The following EXOC4 variants were observed in gnomAD, a reference collection of about 807,000 sequenced individuals.
The protein encoded by EXOC4 is SEC8-like 1.
In EXOC4, 71 loss-of-function variants were observed where a neutral mutation model predicts 107.2. That is an observed-to-expected ratio of 0.66 (90% CI 0.55 to 0.81). The LOEUF is 0.81. Ranked by LOEUF, EXOC4 falls within the 30% of genes least tolerant of loss-of-function variation. EXOC4 has a pLI of 0.00. For missense variants in EXOC4, 1,108 were observed against 1,189.6 expected, an observed-to-expected ratio of 0.93 and a Z score of 1.01; for synonymous variants, 456 against 441.2, an observed-to-expected ratio of 1.03 and a Z score of -0.42.
intron 14 of EXOC4, among the ~76,000 whole-genome samples, chr7:133,986,216 T>C (rs1794110511): frequency 6.6e-6 from 1 of 152,216 alleles, no homozygotes; most frequent in Admixed American, 6.5e-5. Context: ...AAACCTAAAA[T>C]TTCTGGGATC....
At chr7:133,918,508 C>G (rs1484778366) in intron 13 of EXOC4, among the ~76,000 whole-genome samples, 1 of 152,180 alleles carries the variant, frequency 6.6e-6, no homozygotes, top group African/African-American at 2.4e-5. Context: ...GTTGGACTTT[C>G]TGGAAAATAC....
intron 14 of EXOC4, among the ~76,000 whole-genome samples, chr7:133,978,201 T>C (rs893390311): frequency 2.0e-5 from 3 of 151,944 alleles, no homozygotes; most frequent in Non-Finnish European, 4.4e-5. Context: ...GCTATAAATA[T>C]AATCTACACA....
chr7:133,594,388 G>C (rs1210228123), intron 9 of EXOC4, among the ~76,000 whole-genome samples: 2 of 151,984 alleles, frequency 1.3e-5, no homozygotes, highest in African/African-American at 2.4e-5. Flanking sequence ...ACAGTGCTTT[G>C]GGCAAGGGGT....
intron 17 of EXOC4, among the ~76,000 whole-genome samples, chr7:134,059,495 A>G (rs1317614610): frequency 6.6e-6 from 1 of 152,200 alleles, no homozygotes; most frequent in East Asian, 1.9e-4. Flanking sequence ...AAATTGTTCC[A>G]CCTCATGCAA....
chr7:133,738,493 C>T (rs1241476480), intron 10 of EXOC4, among the ~76,000 whole-genome samples: 1 of 152,078 alleles, frequency 6.6e-6, no homozygotes, highest in Non-Finnish European at 1.5e-5. Flanking sequence ...AATGGAATAA[C>T]AAAATGATAA....
intron 10 of EXOC4, among the ~76,000 whole-genome samples, chr7:133,728,531 C>T (rs931197618): frequency 2.0e-5 from 3 of 152,134 alleles, no homozygotes; most frequent in Non-Finnish European, 4.4e-5. Flanking sequence ...CTGTCCTTCC[C>T]TTGGAAAATG....
chr7:133,314,681 T>A (rs1474136309), intron 4 of EXOC4, among the ~76,000 whole-genome samples: 2 of 152,188 alleles, frequency 1.3e-5, no homozygotes, highest in Non-Finnish European at 2.9e-5. Flanking sequence ...AATACACATA[T>A]AAAAATATCA....
At chr7:133,498,973 C>T (rs1399648116) in intron 9 of EXOC4, among the ~76,000 whole-genome samples, 3 of 151,988 alleles carry the variant, frequency 2.0e-5, no homozygotes, top group Admixed American at 6.6e-5. Context: ...TTTAAGATAA[C>T]GTTCTCTGTA....
chr7:133,529,872 G>A (rs1020039230), intron 9 of EXOC4, among the ~76,000 whole-genome samples: 4 of 152,150 alleles, frequency 2.6e-5, no homozygotes, highest in African/African-American at 9.7e-5. Context: ...AATAGGCAGG[G>A]ATGTTCAGGA....
chr7:133,351,212 T>C (rs1462546060), intron 5 of EXOC4, among the ~76,000 whole-genome samples: 1 of 152,042 alleles, frequency 6.6e-6, no homozygotes, highest in Non-Finnish European at 1.5e-5. Flanking sequence ...AGGGCAATGC[T>C]GGCCTCATAG....
chr7:133,350,272 C>T (rs1795878564), intron 5 of EXOC4, among the ~76,000 whole-genome samples: 1 of 151,814 alleles, frequency 6.6e-6, no homozygotes, highest in Non-Finnish European at 1.5e-5. Context: ...AAGCTTTTGC[C>T]CTGTGTTTTC....
chr7:133,686,881 C>G (rs1318223113), intron 10 of EXOC4, among the ~76,000 whole-genome samples: 1 of 152,054 alleles, frequency 6.6e-6, no homozygotes, highest in Non-Finnish European at 1.5e-5. Flanking sequence ...GAAAAAAAGT[C>G]ATTATACGAA....
chr7:133,645,105 T>C (rs928905027), intron 10 of EXOC4, among the ~76,000 whole-genome samples: 3 of 133,738 alleles, frequency 2.2e-5, no homozygotes, highest in African/African-American at 5.4e-5. Flanking sequence ...TTTTTTTTTT[T>C]CTTTGAGATG....
intron 10 of EXOC4, among the ~76,000 whole-genome samples, chr7:133,806,989 C>T (rs991974842): frequency 3.3e-5 from 5 of 152,152 alleles, no homozygotes; most frequent in African/African-American, 9.7e-5. Context: ...TAAATAAATA[C>T]GGTCGGCCCT....
intron 7 of EXOC4, among the ~76,000 whole-genome samples, chr7:133,410,579 A>AT (rs1241979736): frequency 2.0e-5 from 3 of 151,970 alleles, no homozygotes; most frequent in Non-Finnish European, 4.4e-5. Context: ...GAAACCTTGG[A>AT]TTTTTCCCTT....
intron 10 of EXOC4, among the ~76,000 whole-genome samples, chr7:133,811,927 A>G (rs900857119): frequency 1.3e-5 from 2 of 152,210 alleles, no homozygotes; most frequent in Non-Finnish European, 2.9e-5. Flanking sequence ...ATTTTATTCA[A>G]TAAATATTTC....
chr7:133,862,127 G>C (rs975296860), intron 11 of EXOC4, among the ~76,000 whole-genome samples: 4 of 151,572 alleles, frequency 2.6e-5, no homozygotes, highest in African/African-American at 4.8e-5. Context: ...ATCAGCACTG[G>C]CTCATATGGT....
chr7:133,626,329 A>G (rs1802455312), intron 9 of EXOC4, among the ~76,000 whole-genome samples: 1 of 152,208 alleles, frequency 6.6e-6, no homozygotes, highest in Non-Finnish European at 1.5e-5. Flanking sequence ...TCCGGGGGTC[A>G]GGACTCAGAC....
chr7:133,937,765 G>C (rs1800337125), intron 13 of EXOC4, 126 bp from the exon 14 acceptor site: 2 of 870,576 alleles, frequency 2.3e-6, no homozygotes, highest in East Asian at 4.9e-5. Context: ...TTAAACCTAG[G>C]AAAAAGAGCA....
Sources: gnomAD v4.1 joint callset for allele counts (sites outside exome capture counted in the v4.1 genomes callset) on GRCh38, gnomAD v4.1.1 for gene constraint, MANE v1.5 for transcripts, NCBI Gene and HGNC (gene_info 2026-07-23, HGNC 2026-07-21) for gene names.